The following DPF3 variants were observed in gnomAD, a reference collection of about 807,000 sequenced individuals.
DPF3 encodes the protein double PHD fingers 3, also known as zinc finger protein DPF3.
DPF3 carries 18 observed loss-of-function variants against 56.8 expected under a neutral mutation model. The observed-to-expected ratio is 0.32, with a 90% CI of 0.22 to 0.47. DPF3 has a LOEUF of 0.47. Among genes scored for constraint, DPF3 ranks in the 20% least tolerant of loss-of-function variants. The pLI, the probability that DPF3 is intolerant of heterozygous loss-of-function variation, is 1.00. For missense variants in DPF3, 403 were observed against 488.8 expected, an observed-to-expected ratio of 0.82 and a Z score of 1.65; for synonymous variants, 188 against 180.2, an observed-to-expected ratio of 1.04 and a Z score of -0.35.
At chr14:72,866,140 T>G (rs1281067181) in intron 1 of DPF3, among the ~76,000 whole-genome samples, 2 of 152,186 alleles carry the variant, frequency 1.3e-5, no homozygotes, top group African/African-American at 4.8e-5. Flanking sequence ...GCCGGCTTGT[T>G]GATTTGATGG....
At chr14:72,876,005 A>G (rs1003747537) in intron 1 of DPF3, among the ~76,000 whole-genome samples, 1 of 152,110 alleles carries the variant, frequency 6.6e-6, no homozygotes, top group Non-Finnish European at 1.5e-5. Context: ...GATTGGATTT[A>G]TATATTTTAT....
chr14:72,702,708 G>A (rs1290921158), intron 6 of DPF3, among the ~76,000 whole-genome samples: 1 of 152,192 alleles, frequency 6.6e-6, no homozygotes, highest in Non-Finnish European at 1.5e-5. Context: ...GAAAAGCCCT[G>A]TGTGACTCCC....
chr14:72,879,789 C>T (rs1886257475), intron 1 of DPF3: 2 of 1,530,816 alleles, frequency 1.3e-6, no homozygotes, highest in Non-Finnish European at 1.7e-6. Flanking sequence ...ACGTCTCTCA[C>T]ACTGAGGTTC....
intron 5 of DPF3, among the ~76,000 whole-genome samples, chr14:72,718,895 T>G (rs1889051235): frequency 6.7e-6 from 1 of 148,254 alleles, no homozygotes; most frequent in Non-Finnish European, 1.5e-5. Flanking sequence ...CTCAGCCCCC[T>G]GAGTAGCTGG....
At chr14:72,734,906 A>G (rs774988165) in intron 3 of DPF3, among the ~76,000 whole-genome samples, 8 of 152,226 alleles carry the variant, frequency 5.3e-5, no homozygotes, top group Non-Finnish European at 1.0e-4. Flanking sequence ...GGCAAGCAGC[A>G]AACATTCAAA....
At chr14:72,847,298 G>A (rs563084597) in intron 1 of DPF3, among the ~76,000 whole-genome samples, 69 of 152,300 alleles carry the variant, frequency 4.5e-4, no homozygotes, top group African/African-American at 1.5e-3. Flanking sequence ...GTTAAGTGAT[G>A]GCGCTGGGAT....
chr14:72,663,073 T>C (rs545092228), intron 8 of DPF3, among the ~76,000 whole-genome samples: 2 of 147,510 alleles, frequency 1.4e-5, no homozygotes, highest in East Asian at 2.0e-4. Context: ...CAGCCAGGAA[T>C]AGGGCAGGTC....
At chr14:72,662,447 A>C (rs1203745911) in intron 8 of DPF3, 1 of 983,462 alleles carries the variant, frequency 1.0e-6, no homozygotes, top group East Asian at 1.1e-4. Flanking sequence ...ATATTGAAAT[A>C]AATAAAATAG....
chr14:72,831,521 G>A (rs917622979), intron 1 of DPF3, among the ~76,000 whole-genome samples: 3 of 152,272 alleles, frequency 2.0e-5, no homozygotes, highest in Admixed American at 2.0e-4. Context: ...GTAGAATATT[G>A]AGTACAAGGA....
At chr14:72,730,946 T>C (rs1889614338) in intron 4 of DPF3, among the ~76,000 whole-genome samples, 1 of 152,064 alleles carries the variant, frequency 6.6e-6, no homozygotes, top group Admixed American at 6.6e-5. Context: ...AGGCAGGCGA[T>C]CACTTGAGGT....
intron 1 of DPF3, among the ~76,000 whole-genome samples, chr14:72,868,388 C>A (rs1439619754): frequency 6.6e-6 from 1 of 152,194 alleles, no homozygotes. Context: ...CCGGTTATAA[C>A]CACTCCCACA....
At chr14:72,750,253 G>A (rs1258638830) in intron 3 of DPF3, among the ~76,000 whole-genome samples, 5 of 152,120 alleles carry the variant, frequency 3.3e-5, no homozygotes, top group Admixed American at 2.6e-4. Context: ...CACAAAAATT[G>A]CTGTATGACT....
intron 2 of DPF3, among the ~76,000 whole-genome samples, chr14:72,764,441 G>A (rs1041405190): frequency 7.2e-6 from 1 of 138,822 alleles, no homozygotes; most frequent in South Asian, 2.3e-4. Context: ...CATGTCCTTC[G>A]TAATAAACTG....
chr14:72,739,225 G>A (rs1296980241), intron 3 of DPF3, among the ~76,000 whole-genome samples: 1 of 150,078 alleles, frequency 6.7e-6, no homozygotes, highest in Non-Finnish European at 1.5e-5. Context: ...CTAGGTGACA[G>A]AGTGAGACTC....
intron 3 of DPF3, among the ~76,000 whole-genome samples, chr14:72,743,485 G>C (rs767302214): frequency 2.6e-5 from 4 of 152,066 alleles, no homozygotes; most frequent in Middle Eastern, 3.2e-3. Flanking sequence ...CTAGACCATG[G>C]GGACCGAAGG....
intron 1 of DPF3, among the ~76,000 whole-genome samples, chr14:72,838,905 ATTCTTTT>A (rs1884425502): frequency 4.7e-5 from 3 of 64,478 alleles, no homozygotes; most frequent in African/African-American, 6.7e-5. Context: ...TATCATATAT[ATTCTTTT>A]TTTTTTTTTT....
chr14:72,670,235 C>T (rs543062683), intron 8 of DPF3: 17 of 985,980 alleles, frequency 1.7e-5, no homozygotes, highest in South Asian at 1.4e-4. Flanking sequence ...GCCTCGGCCT[C>T]GGGTGGTGGA....
In DPF3 at chr14:72,661,515, G is replaced by A. The variant is rs1886210049; in HGVS notation, c.871+12725C>T. ...TGGCTGTGTGAAAGCCCAGTGCAGT[G>A]GGGAGCCTGCGGGTAGAACCCAGTG... On this transcript the variant is annotated intron_variant, in intron 8 of 10. Transcript: ENST00000556509. The A allele has an allele frequency of 1.4e-5, 14 of 985,482 alleles. No individual in the cohort carries two copies. In the South Asian group the frequency reaches 6.6e-4, roughly 46 times the overall value. The allele number at this position is 985,482 out of a possible 1,614,324, so 61.0% of individuals were successfully genotyped here.
At chr14:72,632,975 G>C (rs1471782877) in intron 8 of DPF3, among the ~76,000 whole-genome samples, 2 of 152,134 alleles carry the variant, frequency 1.3e-5, no homozygotes, top group African/African-American at 4.8e-5. Flanking sequence ...AAGCTAGTTA[G>C]GAGGCTAATG....
Sources: gnomAD v4.1 joint callset for allele counts (sites outside exome capture counted in the v4.1 genomes callset) on GRCh38, gnomAD v4.1.1 for gene constraint, MANE v1.5 for transcripts, NCBI Gene and HGNC (gene_info 2026-07-23, HGNC 2026-07-21) for gene names.